The following FOXO1 variants were observed in gnomAD, a reference collection of about 807,000 sequenced individuals.
FOXO1 encodes the protein forkhead box O1, also known as forkhead box protein O1.
FOXO1 carries 6 observed loss-of-function variants against 44.1 expected under a neutral mutation model. The observed-to-expected ratio is 0.14, with a 90% confidence interval of 0.07 to 0.27. The LOEUF (loss-of-function observed/expected upper bound fraction) is 0.27. Among genes scored for constraint, FOXO1 ranks in the 10% least tolerant of loss-of-function variants. The pLI is 1.00. For synonymous variants in FOXO1, 380 were observed against 362.7 expected, an observed-to-expected ratio of 1.05 and a Z score of -0.54; for missense variants, 737 against 888.8, an observed-to-expected ratio of 0.83 and a Z score of 2.17.
chr13:40,575,560 G>A (rs1178591283), intron 1 of FOXO1, among the ~76,000 whole-genome samples: 2 of 152,180 alleles, frequency 1.3e-5, no homozygotes, highest in East Asian at 3.8e-4. Flanking sequence ...CCTACCTAAT[G>A]TAAAGTATTT....
chr13:40,595,000 T>C lies in FOXO1; in HGVS notation c.631-34140A>G, dbSNP rs550103467. ...CCGCACCAGCATACAGTAGACTTTA[T>C]ATATGCTTATTTGGTTTTGATTTTT... On this transcript the variant is annotated intron_variant, in intron 1 of 2. Coordinates refer to ENST00000379561, the MANE Select transcript of FOXO1 (RefSeq NM_002015.4). Among the ~76,000 whole-genome samples, 3 of 152,356 alleles carry C rather than the reference T, an allele frequency of 2.0e-5. No individual in the cohort carries two copies. The South Asian group carries it at 6.2e-4, about 32-fold the overall frequency.
chr13:40,645,117 T>C (rs1181068445), intron 1 of FOXO1, among the ~76,000 whole-genome samples: 1 of 152,110 alleles, frequency 6.6e-6, no homozygotes, highest in African/African-American at 2.4e-5. Flanking sequence ...TCTGCATGAG[T>C]TTGTAGTTCT....
intron 1 of FOXO1, among the ~76,000 whole-genome samples, chr13:40,626,980 T>C (rs1289199406): frequency 1.3e-5 from 2 of 152,194 alleles, no homozygotes; most frequent in Admixed American, 1.3e-4. Context: ...AAAGAAGAAA[T>C]GTATGCATAA....
At chr13:40,659,329 AAAGAAAAG>A (rs1877962296) in intron 1 of FOXO1, among the ~76,000 whole-genome samples, 1 of 145,526 alleles carries the variant, frequency 6.9e-6, no homozygotes, top group Non-Finnish European at 1.5e-5. Context: ...AAAAAAAAAA[AAAGAAAAG>A]AAAAGAAAAG....
intron 1 of FOXO1, among the ~76,000 whole-genome samples, chr13:40,642,648 G>T (rs1004149931): frequency 6.6e-6 from 1 of 152,160 alleles, no homozygotes; most frequent in Non-Finnish European, 1.5e-5. Flanking sequence ...GCTGGGCAGG[G>T]TGGCTCATGC....
intron 1 of FOXO1, among the ~76,000 whole-genome samples, chr13:40,610,700 T>C (rs1163379386): frequency 6.6e-6 from 1 of 152,214 alleles, no homozygotes; most frequent in Non-Finnish European, 1.5e-5. Context: ...AGCTCTATAC[T>C]ACAATCCATT....
Position 40,559,985 on chromosome 13 carries a change from C to A in FOXO1, c.1506G>T (p.Ser502=). Residue 502 remains serine (S), a synonymous_variant, in exon 2 of 3, where the codon TCG becomes TCT. Coordinates refer to ENST00000379561, the MANE Select transcript of FOXO1 (RefSeq NM_002015.4). ...LGQNVMMGPN[S]VMSTYGSQAS... is the part of the protein sequence containing the mutation. ...CCTGGCTGCCATAGGTTGACATGAC[C>A]GAATTAGGGCCCATCATGACGTTCT... The A allele has an allele frequency of 6.2e-7, 1 of 1,614,022 alleles. No homozygotes were observed. Among genetic ancestry groups the A allele is most frequent in the Non-Finnish European group, 8.5e-7 (1 of 1,180,020 alleles).
At chr13:40,570,953 T>A (rs1382390873) in intron 1 of FOXO1, among the ~76,000 whole-genome samples, 1 of 152,198 alleles carries the variant, frequency 6.6e-6, no homozygotes, top group Non-Finnish European at 1.5e-5. Context: ...TTTCCTTCTA[T>A]AACCCCTCTG....
chr13:40,652,843 CT>C (rs2137935445), intron 1 of FOXO1, among the ~76,000 whole-genome samples: 1 of 152,346 alleles, frequency 6.6e-6, no homozygotes, highest in East Asian at 1.9e-4. Context: ...GTATGAACCA[CT>C]CCCAAATATT....
intron 1 of FOXO1, among the ~76,000 whole-genome samples, chr13:40,564,739 C>G (rs1566062413): frequency 6.6e-6 from 1 of 152,202 alleles, no homozygotes; most frequent in Non-Finnish European, 1.5e-5. Flanking sequence ...CATGCCCTGT[C>G]AATCACTTGC....
intron 1 of FOXO1, among the ~76,000 whole-genome samples, chr13:40,629,388 C>T (rs1462990725): frequency 2.0e-5 from 3 of 152,288 alleles, no homozygotes; most frequent in East Asian, 3.9e-4. Flanking sequence ...GTGATCTGCC[C>T]GCCTCGGCCT....
chr13:40,587,692 C>CT (rs986637023), intron 1 of FOXO1, among the ~76,000 whole-genome samples: 26 of 152,198 alleles, frequency 1.7e-4, no homozygotes, highest in African/African-American at 6.3e-4. Flanking sequence ...TCCTGCCTGC[C>CT]AACTGAGATG....
intron 1 of FOXO1, among the ~76,000 whole-genome samples, chr13:40,595,539 T>C (rs1875545380): frequency 6.6e-6 from 1 of 152,138 alleles, no homozygotes; most frequent in Admixed American, 6.6e-5. Flanking sequence ...GATACATGTA[T>C]ACAGTGTATA....
At chr13:40,581,982 G>A (rs1298978467) in intron 1 of FOXO1, among the ~76,000 whole-genome samples, 1 of 152,152 alleles carries the variant, frequency 6.6e-6, no homozygotes, top group East Asian at 1.9e-4. Flanking sequence ...CTGGGACAAG[G>A]AGGGGAAGAA....
At chr13:40,581,501 C>G (rs1186126530) in intron 1 of FOXO1, among the ~76,000 whole-genome samples, 1 of 152,160 alleles carries the variant, frequency 6.6e-6, no homozygotes, top group Non-Finnish European at 1.5e-5. Flanking sequence ...TAACTACACC[C>G]ATAGTAAATT....
At chr13:40,613,378 G>A (rs1270271504) in intron 1 of FOXO1, among the ~76,000 whole-genome samples, 2 of 151,506 alleles carry the variant, frequency 1.3e-5, no homozygotes, top group South Asian at 2.1e-4. Flanking sequence ...CTGCTTCTCC[G>A]ACACCCCTAA....
chr13:40,642,263 T>C (rs1211421557), intron 1 of FOXO1, among the ~76,000 whole-genome samples: 1 of 152,164 alleles, frequency 6.6e-6, no homozygotes, highest in East Asian at 1.9e-4. Context: ...TTCACATTCT[T>C]AAGAAGTGCT....
intron 1 of FOXO1, among the ~76,000 whole-genome samples, chr13:40,652,824 C>A (rs770937923): frequency 6.6e-6 from 1 of 152,088 alleles, no homozygotes. Context: ...AAGTATTTGA[C>A]GTTTACTTGT....
intron 1 of FOXO1, among the ~76,000 whole-genome samples, chr13:40,658,980 C>G (rs1024529486): frequency 6.6e-6 from 1 of 151,852 alleles, no homozygotes; most frequent in African/African-American, 2.4e-5. Flanking sequence ...CCACTGCACT[C>G]CAGCCTGGAT....
Sources: gnomAD v4.1 joint callset for allele counts (sites outside exome capture counted in the v4.1 genomes callset) on GRCh38, gnomAD v4.1.1 for gene constraint, MANE v1.5 for transcripts, NCBI Gene and HGNC (gene_info 2026-07-23, HGNC 2026-07-21) for gene names.